SPTBN1: variants seen among roughly 807,000 people sequenced by gnomAD.
SPTBN1 encodes the protein spectrin beta chain, non-erythrocytic 1.
In SPTBN1, 32 loss-of-function variants were observed where a neutral mutation model predicts 266.4. The ratio of observed to expected loss-of-function variants is 0.12; its 90% CI spans 0.09 to 0.16. The LOEUF (loss-of-function observed/expected upper bound fraction) is 0.16. Ranked by LOEUF, SPTBN1 falls within the 10% of genes least tolerant of loss-of-function variation. The pLI is 1.00. For synonymous variants in SPTBN1, 1,336 were observed against 1,162.2 expected (o/e 1.15, Z -3.04); for missense variants, 2,296 against 3,067.1 (o/e 0.75, Z 5.94).
intron 1 of SPTBN1, among the ~76,000 whole-genome samples, chr2:54,508,938 A>G (rs1669715900): frequency 6.6e-6 from 1 of 152,184 alleles, no homozygotes; most frequent in Non-Finnish European, 1.5e-5. Context: ...CTGCCTATAT[A>G]ACAGCATGGT....
chr2:54,499,470 G>T (rs910682019), intron 1 of SPTBN1, among the ~76,000 whole-genome samples: 4 of 152,198 alleles, frequency 2.6e-5, no homozygotes, highest in Non-Finnish European at 4.4e-5. Context: ...AATGGAGGAA[G>T]GTGACTGGTT....
At chr2:54,509,957 T>TTTC (rs1491543548) in intron 1 of SPTBN1, among the ~76,000 whole-genome samples, 52 of 7,494 alleles carry the variant, frequency 6.9e-3, no homozygotes, top group Non-Finnish European at 7.0e-4. Context: ...GCTTTCTTTC[T>TTTC]TTTTTTTTTT....
At position 54,659,314 on chromosome 2, in the gene SPTBN1, A is replaced by G. The variant is rs752071564; in HGVS notation, c.6356+48A>G. Reference sequence around the variant, plus strand: ...GCTGGACCCTTAGCCTCGGTGGCCAATGAGGTTTATGGGGCATCTTTCTGA... The same window carrying G: ...GCTGGACCCTTAGCCTCGGTGGCCAGTGAGGTTTATGGGGCATCTTTCTGA... On this transcript the variant is annotated intron_variant, in intron 31 of 35. Transcript: ENST00000356805. 4.4e-5 allele frequency: 69 copies of G among 1,572,236 alleles called. No homozygotes were observed. In the African/African-American group the frequency reaches 4.5e-4, roughly 10 times the overall value.
chr2:54,549,530 T>G (rs1672447667), intron 2 of SPTBN1, among the ~76,000 whole-genome samples: 1 of 152,210 alleles, frequency 6.6e-6, no homozygotes, highest in African/African-American at 2.4e-5. Context: ...TGTTAAAAGC[T>G]GAGAATGGAG....
At chr2:54,618,007 A>G in intron 6 of SPTBN1, 71 bp from the exon 7 acceptor site, 1 of 1,222,040 alleles carries the variant, frequency 8.2e-7, no homozygotes, top group Non-Finnish European at 1.2e-6. Context: ...TTGGAGTAAC[A>G]GTCATGTTTC....
At chr2:54,659,296 C>T in intron 31 of SPTBN1, 30 bp downstream of exon 31, 1 of 1,605,644 alleles carries the variant, frequency 6.2e-7, no homozygotes, top group Admixed American at 1.7e-5. Context: ...GAGGCTGGAC[C>T]CTTAGCCTCG....
intron 2 of SPTBN1, among the ~76,000 whole-genome samples, chr2:54,545,688 G>C (rs1672196673): frequency 6.6e-6 from 1 of 152,068 alleles, no homozygotes; most frequent in African/African-American, 2.4e-5. Context: ...AGGAGCTCTG[G>C]GAGTCCACTG....
rs2104324419 is a variant in SPTBN1, at chr2:54,526,548, C to T, written c.130C>T (p.Arg44Cys). Residue 44 changes from arginine (R) to cysteine (C), a missense_variant, in exon 2 of 36, where the codon CGC (arginine) becomes TGC (cysteine). Arg to Cys is a radical substitution (Grantham distance 180, BLOSUM62 -3). This residue lies in a region of SPTBN1 where 178 missense variants were observed against 375.7 expected (regional missense o/e 0.47). Transcript: ENST00000356805. ...NSSARLFERS[R>C]IKALADEREA... ...CTCTGCGCGGCTTTTTGAGCGGTCC[C>T]GCATCAAGGCTCTGGCAGGTGAGTC... 2 of 1,613,836 alleles carry T rather than the reference C, an allele frequency of 1.2e-6. No individual in the cohort carries two copies. The highest frequency in any genetic ancestry group is 1.7e-6 in the Non-Finnish European group (2 of 1,179,912).
chr2:54,579,923 G>A (rs912447558), intron 2 of SPTBN1, among the ~76,000 whole-genome samples: 1 of 152,224 alleles, frequency 6.6e-6, no homozygotes, highest in African/African-American at 2.4e-5. Context: ...GAACTTGAAT[G>A]GGTGTTTCTT....
rs1671588749 is a variant in SPTBN1 at position 54,536,164 on chromosome 2, C to T, written c.148+9598C>T. On this transcript the variant is annotated intron_variant, in intron 2 of 35. Transcript: ENST00000356805. ...ATTAAATTCACTTACACAGTTAACC[C>T]CTTTGCCAGTTTTCTACCAAAGTGG... 2.0e-5 allele frequency among the ~76,000 whole-genome samples: 3 copies of T among 152,156 alleles called. No individual in the cohort carries two copies. In the South Asian group the frequency reaches 6.2e-4, roughly 31 times the overall value.
At position 54,626,304 on chromosome 2, in the gene SPTBN1, A is replaced by G. The variant is rs886664890; in HGVS notation, c.1644+70A>G. 2.0e-6 allele frequency: 3 copies of G among 1,519,530 alleles called. No individual in the cohort carries two copies. Among genetic ancestry groups the G allele is most frequent in the South Asian group, 1.3e-5 (1 of 77,722 alleles). 94.1% of individuals were successfully genotyped at this position (1,519,530 alleles called of 1,614,324 possible). ...GGGCTCTCTTTTCTGTGACTCATTCACTAAACCCCTACGTACAGCTGTGTG... is the reference window on the plus strand; with the variant it reads ...GGGCTCTCTTTTCTGTGACTCATTCGCTAAACCCCTACGTACAGCTGTGTG... On this transcript the variant is annotated intron_variant, in intron 12 of 35. Transcript: ENST00000356805. The surrounding 1 kb of genome is among the most constrained non-coding windows in gnomAD (Gnocchi z 4.7).
chr2:54,664,896 T>A lies in SPTBN1; in HGVS notation c.6659+205T>A. On this transcript the variant is annotated intron_variant, in intron 33 of 35. Transcript: ENST00000356805. This position sits in a 1 kb window ranked among gnomAD's most constrained non-coding sequence, Gnocchi z 5.6. ...TCACTGAGAGAAGAAGAGTTGAGTT[T>A]GGATGGGAGTAGCTAGAAGGGGCTT... The A allele has an allele frequency of 1.7e-6, 1 of 584,916 alleles. No homozygotes were observed. The highest frequency in any genetic ancestry group is 2.2e-5 in the South Asian group (1 of 46,016). 36.2% of individuals were successfully genotyped at this position (584,916 alleles called of 1,614,324 possible).
At chr2:54,580,888 A>G (rs1350316875) in intron 2 of SPTBN1, among the ~76,000 whole-genome samples, 6 of 152,152 alleles carry the variant, frequency 3.9e-5, no homozygotes, top group Non-Finnish European at 7.4e-5. Context: ...ACTTGAGGTC[A>G]GGAGTTTGAA....
At chr2:54,465,771 A>G (rs1693605858) in intron 1 of SPTBN1, among the ~76,000 whole-genome samples, 1 of 151,674 alleles carries the variant, frequency 6.6e-6, no homozygotes, top group African/African-American at 2.4e-5. Flanking sequence ...TTATAGAGAC[A>G]GTATTTTGAA....
chr2:54,487,812 TTGATGGTCTC>T (rs1573252705), intron 1 of SPTBN1, among the ~76,000 whole-genome samples: 1 of 146,856 alleles, frequency 6.8e-6, no homozygotes, highest in Non-Finnish European at 1.5e-5. Context: ...ATTAATTCAC[TTGATGGTCTC>T]CTCCTGTGTC....
At chr2:54,536,580 G>A (rs1655115611) in intron 2 of SPTBN1, among the ~76,000 whole-genome samples, 2 of 152,310 alleles carry the variant, frequency 1.3e-5, no homozygotes, top group South Asian at 4.1e-4. Context: ...GGGTCCAGGT[G>A]ACAGCAGAGC....
At position 54,533,740 on chromosome 2, in the gene SPTBN1, G is replaced by C. The variant is rs558183051; in HGVS notation, c.148+7174G>C. Among the ~76,000 whole-genome samples, 1 of 152,050 alleles carries C rather than the reference G, an allele frequency of 6.6e-6. No homozygotes were observed. Among genetic ancestry groups the C allele is most frequent in the Non-Finnish European group, 1.5e-5 (1 of 67,998 alleles). On this transcript the variant is annotated intron_variant, in intron 2 of 35. Transcript: ENST00000356805. The surrounding 1 kb of genome is among the most constrained non-coding windows in gnomAD (Gnocchi z 4.2). ...TAATTTTTGTATTTTTAGTAGAGACGGGGTTTCACCATGTTGGCCAGGCTG... is the reference window on the plus strand; with the variant it reads ...TAATTTTTGTATTTTTAGTAGAGACCGGGTTTCACCATGTTGGCCAGGCTG...
intron 1 of SPTBN1, among the ~76,000 whole-genome samples, chr2:54,515,089 C>T (rs1670047626): frequency 6.6e-6 from 1 of 152,162 alleles, no homozygotes; most frequent in Admixed American, 6.5e-5. Flanking sequence ...TTTGCAGACC[C>T]TGTCCTCGAT....
intron 2 of SPTBN1, among the ~76,000 whole-genome samples, chr2:54,582,076 A>T (rs1392855713): frequency 6.6e-6 from 1 of 152,190 alleles, no homozygotes; most frequent in Non-Finnish European, 1.5e-5. Context: ...GTTATGTGTA[A>T]CTTGAACTTG....
Sources: allele counts gnomAD v4.1 joint callset (sites outside exome capture counted in the v4.1 genomes callset), GRCh38; gene constraint gnomAD v4.1.1; regional missense constraint gnomAD v4.1.1; non-coding constraint Gnocchi (gnomAD v3.1); transcripts MANE v1.5; gene names NCBI Gene and HGNC (gene_info 2026-07-23, HGNC 2026-07-21).